Variants in C8orf88 observed in about 807,000 individuals in gnomAD.
C8orf88 encodes the protein uncharacterized protein C8orf88.
C8orf88 carries 14 observed loss-of-function variants against 18.4 expected under a neutral mutation model. That is an observed-to-expected ratio of 0.76 (90% CI 0.50 to 1.19). The LOEUF (loss-of-function observed/expected upper bound fraction) is 1.19, where lower values mean the gene tolerates loss of function less well. C8orf88 is among the 50% of genes most tolerant of loss of function. C8orf88 has a pLI of 0.00. For synonymous variants in C8orf88, 45 were observed against 42.9 expected (o/e 1.05, Z -0.19); for missense variants, 116 against 134.7 (o/e 0.86, Z 0.69).
At chr8:90,969,251 T>G (rs1429027580) in intron 4 of C8orf88, among the ~76,000 whole-genome samples, 1 of 151,800 alleles carries the variant, frequency 6.6e-6, no homozygotes, top group East Asian at 1.9e-4. Context: ...TAACAAAATG[T>G]GGCATAATCC....
chr8:90,961,622 C>A (rs1176887687), intron 4 of C8orf88, among the ~76,000 whole-genome samples: 1 of 151,148 alleles, frequency 6.6e-6, no homozygotes, highest in African/African-American at 2.4e-5. Context: ...TTTCTACAGG[C>A]TGAAGGGAAT....
chr8:90,983,327 A>G (rs1811460704), intron 1 of C8orf88, among the ~76,000 whole-genome samples: 1 of 152,166 alleles, frequency 6.6e-6, no homozygotes, highest in Non-Finnish European at 1.5e-5. Flanking sequence ...TGGTTGCTGA[A>G]TAGTTTTTTT....
intron 4 of C8orf88, among the ~76,000 whole-genome samples, chr8:90,962,062 C>T (rs772073899): frequency 2.0e-5 from 3 of 151,584 alleles, no homozygotes; most frequent in Non-Finnish European, 4.4e-5. Flanking sequence ...TATCAACTAA[C>T]AGGTAACAAT....
intron 5 of C8orf88, chr8:90,959,558 T>TA: frequency 6.6e-6 from 1 of 151,468 alleles, no homozygotes; most frequent in East Asian, 1.9e-4. Context: ...AGAAGTATTA[T>TA]AAAAAATTTT....
At chr8:90,977,991 T>C (rs1337928803) in intron 3 of C8orf88, among the ~76,000 whole-genome samples, 2 of 151,828 alleles carry the variant, frequency 1.3e-5, no homozygotes, top group African/African-American at 2.4e-5. Context: ...GAGAAAGAAA[T>C]AGTATCTAGG....
At chr8:90,960,016 TATC>T (rs1473436208) in intron 5 of C8orf88, among the ~76,000 whole-genome samples, 11 of 150,612 alleles carry the variant, frequency 7.3e-5, no homozygotes, top group Non-Finnish European at 1.0e-4. Flanking sequence ...TTGCAAAACT[TATC>T]ATCCTTATCA....
intron 4 of C8orf88, among the ~76,000 whole-genome samples, chr8:90,962,494 C>T (rs368706041): frequency 6.6e-6 from 1 of 151,494 alleles, no homozygotes. Flanking sequence ...TGGACTCTAA[C>T]CCAAAGCCTG....
At chr8:90,968,713 G>A (rs1409184209) in intron 4 of C8orf88, among the ~76,000 whole-genome samples, 4 of 111,508 alleles carry the variant, frequency 3.6e-5, no homozygotes, top group Admixed American at 9.1e-5. Flanking sequence ...AATGGTGGCA[G>A]GAAGGAGAAT....
At chr8:90,970,267 C>T (rs1811264743) in intron 4 of C8orf88, among the ~76,000 whole-genome samples, 1 of 151,688 alleles carries the variant, frequency 6.6e-6, no homozygotes, top group South Asian at 2.1e-4. Flanking sequence ...TGTAAGTTCT[C>T]ATTTACCAAG....
At chr8:90,968,521 G>A (rs1043327090) in intron 4 of C8orf88, among the ~76,000 whole-genome samples, 1 of 150,862 alleles carries the variant, frequency 6.6e-6, no homozygotes, top group African/African-American at 2.4e-5. Context: ...ATTTGGCAAT[G>A]ATTTGTTAGA....
chr8:90,961,995 A>G (rs1267539375), intron 4 of C8orf88, among the ~76,000 whole-genome samples: 1 of 151,596 alleles, frequency 6.6e-6, no homozygotes, highest in Admixed American at 6.6e-5. Context: ...ATGGATATAA[A>G]AAGATACACA....
chr8:90,971,170 T>C (rs1381677787), intron 3 of C8orf88, 29 bp from the exon 4 acceptor site: 1 of 1,310,928 alleles, frequency 7.6e-7, no homozygotes, highest in South Asian at 1.7e-5. Flanking sequence ...ATAAACTTTT[T>C]AACTCAGGTT....
At chr8:90,983,167 A>G (rs1811457190) in intron 1 of C8orf88, among the ~76,000 whole-genome samples, 1 of 152,156 alleles carries the variant, frequency 6.6e-6, no homozygotes, top group Admixed American at 6.5e-5. Flanking sequence ...TTCTGCCTAC[A>G]ACATTGGGTA....
At chr8:90,966,273 T>C (rs1280450848) in intron 4 of C8orf88, among the ~76,000 whole-genome samples, 3 of 145,036 alleles carry the variant, frequency 2.1e-5, no homozygotes, top group African/African-American at 5.1e-5. Flanking sequence ...AAACACTGCA[T>C]ATTCTCACTC....
intron 3 of C8orf88, among the ~76,000 whole-genome samples, chr8:90,974,105 T>C (rs1811316432): frequency 6.6e-6 from 1 of 152,102 alleles, no homozygotes; most frequent in Admixed American, 6.6e-5. Context: ...TCCAAATGAC[T>C]CTGAAACAGA....
intron 4 of C8orf88, 71 bp from the exon 5 acceptor site, chr8:90,960,919 C>T: frequency 2.5e-6 from 2 of 784,792 alleles, no homozygotes; most frequent in Non-Finnish European, 4.1e-6. Flanking sequence ...TGGTTCATTT[C>T]TTTCTGGATG....
intron 1 of C8orf88, among the ~76,000 whole-genome samples, chr8:90,981,765 G>C (rs563698438): frequency 6.6e-6 from 1 of 151,962 alleles, no homozygotes; most frequent in Non-Finnish European, 1.5e-5. Flanking sequence ...TAAGTACCTC[G>C]TCATTGCAAC....
intron 1 of C8orf88, among the ~76,000 whole-genome samples, chr8:90,983,737 C>A (rs573452236): frequency 6.6e-6 from 1 of 152,148 alleles, no homozygotes; most frequent in East Asian, 1.9e-4. Flanking sequence ...ACCTGAGGCT[C>A]AGAAAAATAA....
intron 1 of C8orf88, among the ~76,000 whole-genome samples, chr8:90,983,298 A>C (rs1004863249): frequency 2.0e-5 from 3 of 152,176 alleles, no homozygotes; most frequent in Non-Finnish European, 4.4e-5. Context: ...AAAACTTTCT[A>C]TTAATACATA....
Sources: gnomAD v4.1 joint callset for allele counts (sites outside exome capture counted in the v4.1 genomes callset) on GRCh38, gnomAD v4.1.1 for gene constraint, MANE v1.5 for transcripts, NCBI Gene and HGNC (gene_info 2026-07-23, HGNC 2026-07-21) for gene names.